Variants in ZBTB7C observed in about 807,000 individuals in gnomAD.
ZBTB7C encodes the protein zinc finger and BTB domain containing 7C.
In ZBTB7C, 8 loss-of-function variants were observed where a neutral mutation model predicts 25.7. The observed-to-expected ratio is 0.31, with a 90% CI of 0.18 to 0.56. The LOEUF (loss-of-function observed/expected upper bound fraction) is 0.56. Among genes scored for constraint, ZBTB7C ranks in the 20% least tolerant of loss-of-function variants. The pLI, the probability that ZBTB7C is intolerant of heterozygous loss-of-function variation, is 0.91. For synonymous variants in ZBTB7C, 394 were observed against 369.0 expected (o/e 1.07, Z -0.78); for missense variants, 824 against 855.2 (o/e 0.96, Z 0.46).
At chr18:48,033,788 T>A (rs1184691894) in intron 4 of ZBTB7C, among the ~76,000 whole-genome samples, 2 of 152,204 alleles carry the variant, frequency 1.3e-5, no homozygotes, top group African/African-American at 4.8e-5. Flanking sequence ...CCACACAGCC[T>A]CCTTCTTTAC....
At chr18:48,050,752 C>T (rs1227927487) in intron 3 of ZBTB7C, among the ~76,000 whole-genome samples, 1 of 152,154 alleles carries the variant, frequency 6.6e-6, no homozygotes, top group Non-Finnish European at 1.5e-5. Flanking sequence ...ATTTTCTCTG[C>T]CCCTACATCT....
chr18:48,263,971 T>C (rs2044241560), intron 2 of ZBTB7C, among the ~76,000 whole-genome samples: 1 of 151,206 alleles, frequency 6.6e-6, no homozygotes, highest in South Asian at 2.1e-4. Context: ...GACATTAAAA[T>C]CTGGTGCAAT....
At chr18:48,385,055 C>T (rs751086546) in intron 1 of ZBTB7C, among the ~76,000 whole-genome samples, 2 of 152,132 alleles carry the variant, frequency 1.3e-5, no homozygotes, top group South Asian at 4.1e-4. Flanking sequence ...TGATTGGACA[C>T]CCCTAAGCAG....
chr18:48,333,790 G>A (rs2046394198), intron 2 of ZBTB7C, among the ~76,000 whole-genome samples: 1 of 152,166 alleles, frequency 6.6e-6, no homozygotes, highest in Non-Finnish European at 1.5e-5. Context: ...GCAGCAACAC[G>A]AGTGACCCAA....
At chr18:48,385,048 T>C (rs2047715579) in intron 1 of ZBTB7C, among the ~76,000 whole-genome samples, 1 of 152,232 alleles carries the variant, frequency 6.6e-6, no homozygotes, top group Non-Finnish European at 1.5e-5. Flanking sequence ...AGCCAAATGA[T>C]TGGACACCCC....
At chr18:48,318,060 G>GC (rs1323844339) in intron 2 of ZBTB7C, among the ~76,000 whole-genome samples, 1 of 151,734 alleles carries the variant, frequency 6.6e-6, no homozygotes, top group Non-Finnish European at 1.5e-5. Flanking sequence ...CGCCACACAT[G>GC]CCCTCAGCTC....
At chr18:48,084,174 G>C (rs2038096134) in intron 3 of ZBTB7C, among the ~76,000 whole-genome samples, 1 of 152,182 alleles carries the variant, frequency 6.6e-6, no homozygotes, top group Non-Finnish European at 1.5e-5. Flanking sequence ...CAACTAAGGA[G>C]AGAATGAAAG....
At chr18:48,273,607 AG>A (rs1490567468) in intron 2 of ZBTB7C, among the ~76,000 whole-genome samples, 1 of 152,102 alleles carries the variant, frequency 6.6e-6, no homozygotes, top group Non-Finnish European at 1.5e-5. Context: ...GGGAAGAGGA[AG>A]GGTGGAGGGA....
intron 3 of ZBTB7C, among the ~76,000 whole-genome samples, chr18:48,105,937 C>T (rs988923002): frequency 2.6e-5 from 4 of 152,258 alleles, no homozygotes; most frequent in Non-Finnish European, 2.9e-5. Context: ...TACTGTCAGA[C>T]TAGTCTTTCT....
intron 1 of ZBTB7C, among the ~76,000 whole-genome samples, chr18:48,342,735 C>T (rs1429097778): frequency 3.3e-5 from 5 of 152,178 alleles, no homozygotes; most frequent in African/African-American, 7.2e-5. Flanking sequence ...CACAACCCAA[C>T]GGCTGGCAGA....
At chr18:48,330,145 C>T (rs1247390830) in intron 2 of ZBTB7C, among the ~76,000 whole-genome samples, 1 of 152,206 alleles carries the variant, frequency 6.6e-6, no homozygotes, top group African/African-American at 2.4e-5. Context: ...AGCCTTCTAA[C>T]AAGCTCGGAG....
chr18:48,081,505 C>A (rs2144488138), intron 3 of ZBTB7C, among the ~76,000 whole-genome samples: 2 of 151,410 alleles, frequency 1.3e-5, no homozygotes, highest in African/African-American at 2.4e-5. Context: ...GTCGCCCAGG[C>A]TGGAGTGCAG....
At chr18:48,279,696 T>G (rs909678789) in intron 2 of ZBTB7C, among the ~76,000 whole-genome samples, 5 of 152,188 alleles carry the variant, frequency 3.3e-5, no homozygotes, top group African/African-American at 4.8e-5. Context: ...GCTCCCCCAC[T>G]GAAGCCTCAC....
chr18:48,337,301 C>A (rs997956310), intron 2 of ZBTB7C, among the ~76,000 whole-genome samples: 1 of 152,214 alleles, frequency 6.6e-6, no homozygotes, highest in Non-Finnish European at 1.5e-5. Context: ...TGCCTCCACC[C>A]CAGCCTACCA....
chr18:48,204,217 C>G (rs189482873), intron 2 of ZBTB7C, among the ~76,000 whole-genome samples: 1 of 152,212 alleles, frequency 6.6e-6, no homozygotes, highest in Non-Finnish European at 1.5e-5. Flanking sequence ...CTCACAGAGA[C>G]AGCAGACGTG....
At chr18:48,349,365 T>C (rs989920800) in intron 1 of ZBTB7C, among the ~76,000 whole-genome samples, 3 of 152,238 alleles carry the variant, frequency 2.0e-5, no homozygotes, top group African/African-American at 4.8e-5. Flanking sequence ...GTTTCTTGCA[T>C]ATTGCCTAAT....
At chr18:48,165,437 G>C (rs1160638261) in intron 3 of ZBTB7C, 1 of 315,414 alleles carries the variant, frequency 3.2e-6, no homozygotes, top group East Asian at 9.0e-5. Flanking sequence ...AACTTGGGCA[G>C]AGAGAGGGGA....
intron 2 of ZBTB7C, among the ~76,000 whole-genome samples, chr18:48,306,753 C>T (rs8093593): frequency 0.12 from 17,577 of 152,130 alleles, 1,147 homozygotes; most frequent in Middle Eastern, 0.19. Flanking sequence ...GCTATCCCTC[C>T]CTAGAACGAT....
Position 48,040,111 on chromosome 18 carries a change from C to T in ZBTB7C, c.997G>A (p.Ala333Thr), listed in dbSNP as rs772791141. The change falls in exon 4 of 5, where the codon GCC becomes ACC. Residue 333 changes from alanine to threonine, a missense_variant. By Grantham distance (58) the Ala-to-Thr change is moderately conservative (BLOSUM62 0). Transcript: ENST00000590800. ...GTGGCACTCAGGAAGTTGAGATAGG[C>T]ACCGTAGTCGTTCTCCGCCTTGATG... is the stretch of plus-strand genomic sequence containing the variant. The part of the protein sequence containing the change: ...GPIKAENDYG[A>T]YLNFLSATHL... 1 of 1,603,166 alleles carries T rather than the reference C, an allele frequency of 6.2e-7. No homozygotes were observed. The highest frequency in any genetic ancestry group is 8.5e-7 in the Non-Finnish European group (1 of 1,174,632).
Sources: allele counts gnomAD v4.1 joint callset (sites outside exome capture counted in the v4.1 genomes callset), GRCh38; gene constraint gnomAD v4.1.1; transcripts MANE v1.5; gene names NCBI Gene and HGNC (gene_info 2026-07-23, HGNC 2026-07-21).